The following GRID2 variants were observed in gnomAD, a reference collection of about 807,000 sequenced individuals.
GRID2 encodes the protein glutamate ionotropic receptor delta type subunit 2.
In GRID2, 33 loss-of-function variants were observed where a neutral mutation model predicts 114.8. That is an observed-to-expected ratio of 0.29 (90% CI 0.22 to 0.38). The LOEUF is 0.38. Ranked by LOEUF, GRID2 falls within the 10% of genes least tolerant of loss-of-function variation. GRID2 has a pLI of 1.00. For missense variants in GRID2, 1,184 were observed against 1,257.7 expected (o/e 0.94, Z 0.89); for synonymous variants, 505 against 449.9 (o/e 1.12, Z -1.55).
intron 8 of GRID2, among the ~76,000 whole-genome samples, chr4:93,310,739 G>A (rs535597396): frequency 2.8e-4 from 42 of 152,260 alleles, no homozygotes; most frequent in African/African-American, 6.5e-4. Context: ...CTCAAAAAGG[G>A]AAAGTCAGAA....
intron 1 of GRID2, among the ~76,000 whole-genome samples, chr4:92,395,538 C>G (rs186748428): frequency 2.6e-5 from 4 of 151,772 alleles, no homozygotes; most frequent in Admixed American, 2.6e-4. Flanking sequence ...GTAAGCACAA[C>G]CAAAGCTCAA....
At chr4:93,481,051 T>A (rs1725815710) in intron 11 of GRID2, among the ~76,000 whole-genome samples, 1 of 152,040 alleles carries the variant, frequency 6.6e-6, no homozygotes, top group African/African-American at 2.4e-5. Flanking sequence ...ATCTGAAATC[T>A]TACCACCCAT....
chr4:92,688,681 C>T (rs1427919115), intron 2 of GRID2, among the ~76,000 whole-genome samples: 1 of 152,162 alleles, frequency 6.6e-6, no homozygotes, highest in East Asian at 1.9e-4. Flanking sequence ...TCTGCAGTTA[C>T]TTCCTACACT....
At chr4:93,795,726 C>T (rs989863760) in intron 1 of GRID2, among the ~76,000 whole-genome samples, 3 of 152,088 alleles carry the variant, frequency 2.0e-5, no homozygotes, top group African/African-American at 4.8e-5. Context: ...TTAATCCCAA[C>T]GTTATTTACA....
intron 2 of GRID2, among the ~76,000 whole-genome samples, chr4:92,866,703 C>A (rs576917026): frequency 6.6e-6 from 1 of 151,444 alleles, no homozygotes; most frequent in South Asian, 2.1e-4. Context: ...GCCACCATGC[C>A]CGGCTAATTT....
chr4:93,605,177 G>A (rs569931752), intron 13 of GRID2, among the ~76,000 whole-genome samples: 1 of 152,240 alleles, frequency 6.6e-6, no homozygotes, highest in African/African-American at 2.4e-5. Flanking sequence ...AATGTCCAAT[G>A]TGATAACCCA....
intron 8 of GRID2, among the ~76,000 whole-genome samples, chr4:93,347,930 A>G (rs966031644): frequency 6.6e-6 from 1 of 152,120 alleles, no homozygotes; most frequent in Non-Finnish European, 1.5e-5. Context: ...ATTTTCTAAT[A>G]TCTGTGTCTC....
At chr4:92,772,316 T>C (rs1298426335) in intron 2 of GRID2, among the ~76,000 whole-genome samples, 2 of 152,150 alleles carry the variant, frequency 1.3e-5, no homozygotes, top group African/African-American at 4.8e-5. Flanking sequence ...CAATCTTTTA[T>C]TCATATGTAA....
chr4:92,449,709 A>G (rs1048696909), intron 1 of GRID2, among the ~76,000 whole-genome samples: 1 of 142,828 alleles, frequency 7.0e-6, no homozygotes, highest in Non-Finnish European at 1.5e-5. Flanking sequence ...ATATATATAT[A>G]TAACACTTAA....
At chr4:92,400,193 T>C (rs1443936780) in intron 1 of GRID2, among the ~76,000 whole-genome samples, 1 of 152,180 alleles carries the variant, frequency 6.6e-6, no homozygotes, top group Non-Finnish European at 1.5e-5. Flanking sequence ...CTACCACAGC[T>C]ATTTAATGGT....
rs904514328 is a variant in GRID2 at position 92,785,692 on chromosome 4, C to A, written c.244+195406C>A. 5.3e-5 allele frequency among the ~76,000 whole-genome samples: 8 copies of A among 151,624 alleles called. No homozygotes were observed. The East Asian group carries it at 1.6e-3, about 29-fold the overall frequency. ...CATTTTCAGTATGTGTGTAGTTAAG[C>A]TTTTTAAATTCCTATTTTACTTTTG... On this transcript the variant is annotated intron_variant, in intron 2 of 15. Coordinates refer to ENST00000282020, the MANE Select transcript of GRID2 (RefSeq NM_001510.4).
chr4:92,632,109 G>A (rs1331651823), intron 2 of GRID2, among the ~76,000 whole-genome samples: 2 of 151,998 alleles, frequency 1.3e-5, no homozygotes, highest in East Asian at 1.9e-4. Context: ...CTATTTCAAA[G>A]GTCATTTAAA....
intron 8 of GRID2, among the ~76,000 whole-genome samples, chr4:93,323,322 A>T (rs866559386): frequency 4.0e-5 from 6 of 151,744 alleles, no homozygotes; most frequent in Non-Finnish European, 4.4e-5. Flanking sequence ...CCCATTTTTT[A>T]TTTTTGTCAG....
chr4:92,518,000 A>C (rs1724587499), intron 1 of GRID2, among the ~76,000 whole-genome samples: 1 of 151,866 alleles, frequency 6.6e-6, no homozygotes, highest in South Asian at 2.1e-4. Flanking sequence ...TTTCTCATCA[A>C]ATGAAGAAAT....
chr4:93,178,285 A>G (rs915529632), intron 4 of GRID2, among the ~76,000 whole-genome samples: 17 of 151,132 alleles, frequency 1.1e-4, no homozygotes, highest in African/African-American at 4.1e-4. Context: ...TTCACCAGAT[A>G]CTTAGAGTCC....
chr4:93,497,978 G>C (rs1047029236), intron 12 of GRID2, among the ~76,000 whole-genome samples: 1 of 151,700 alleles, frequency 6.6e-6, no homozygotes, highest in Non-Finnish European at 1.5e-5. Flanking sequence ...CACTTATTTA[G>C]ATCTTTGATT....
chr4:93,182,937 C>G (rs1303269962), intron 4 of GRID2, among the ~76,000 whole-genome samples: 1 of 152,150 alleles, frequency 6.6e-6, no homozygotes. Flanking sequence ...CTGGGAGTGG[C>G]GCCCTACAAT....
intron 8 of GRID2, among the ~76,000 whole-genome samples, chr4:93,247,346 C>T (rs1388970268): frequency 6.6e-6 from 1 of 152,028 alleles, no homozygotes; most frequent in Non-Finnish European, 1.5e-5. Context: ...TTTTAATTGG[C>T]GTACTGGGTA....
At chr4:93,304,599 G>A (rs756381894) in intron 8 of GRID2, among the ~76,000 whole-genome samples, 16 of 151,998 alleles carry the variant, frequency 1.1e-4, no homozygotes, top group Non-Finnish European at 2.1e-4. Flanking sequence ...ACATTGTTTT[G>A]TGTACTTTAA....
Sources: gnomAD v4.1 joint callset for allele counts (sites outside exome capture counted in the v4.1 genomes callset) on GRCh38, gnomAD v4.1.1 for gene constraint, MANE v1.5 for transcripts, NCBI Gene and HGNC (gene_info 2026-07-23, HGNC 2026-07-21) for gene names.